Variants in MTRR observed in about 807,000 individuals in gnomAD.
The protein encoded by MTRR is methionine synthase reductase.
A neutral mutation model predicts 79.2 loss-of-function variants in MTRR; 63 were observed. That is an observed-to-expected ratio of 0.80 (90% CI 0.65 to 0.98). The LOEUF (loss-of-function observed/expected upper bound fraction) is 0.98, where lower values mean the gene tolerates loss of function less well. MTRR is among the 50% of genes least tolerant of loss of function. The probability of loss-of-function intolerance (pLI) is 0.00; values close to 1 mark genes in which losing one functional copy is unlikely to be tolerated. For synonymous variants in MTRR, 355 were observed against 313.3 expected (o/e 1.13, Z -1.41); for missense variants, 895 against 839.6 (o/e 1.07, Z -0.82).
rs566615968 is a variant in MTRR at position 7,869,220 on chromosome 5, G to C, written c.-26+5G>C. ...TGCCCGGCTGGCGCGGCGTGGGTAA[G>C]CTGCCTGTCGGCTACGGTTCCCGGA... On this transcript the variant is annotated splice_donor_5th_base_variant and intron_variant, in intron 1 of 14. Coordinates refer to ENST00000440940, the MANE Select transcript of MTRR (RefSeq NM_002454.3). 3 of 1,605,300 alleles carry C rather than the reference G, an allele frequency of 1.9e-6. No individual in the cohort carries two copies.
rs776815490 is a variant in MTRR, at chr5:7,869,232, C to T, written c.-26+17C>T. 9 of 1,603,310 alleles carry T rather than the reference C, an allele frequency of 5.6e-6. No homozygotes were observed. The highest frequency in any genetic ancestry group is 7.6e-6 in the Non-Finnish European group (9 of 1,179,616). On this transcript the variant is annotated intron_variant, in intron 1 of 14. Coordinates refer to ENST00000440940, the MANE Select transcript of MTRR (RefSeq NM_002454.3). ...GCGGCGTGGGTAAGCTGCCTGTCGG[C>T]TACGGTTCCCGGATTCCGGCCGCTC...
rs1748346590 is a variant in MTRR, at chr5:7,873,449, C to T, written c.206C>T (p.Ala69Val). The T allele has an allele frequency of 6.2e-7, 1 of 1,614,134 alleles. No individual in the cohort carries two copies. Among genetic ancestry groups the T allele is most frequent in the Non-Finnish European group, 8.5e-7 (1 of 1,180,022 alleles). ...GGCACCGGAGACCCACCCGACACAG[C>T]CCGCAAGTTTGTTAAGGAAATACAG... ...TTGTGDPPDT[A>V]RKFVKEIQNQ... The change falls in exon 3 of 15, where the codon GCC becomes GTC. Residue 69 changes from alanine (A) to valine (V), a missense_variant. Physicochemically the swap from Ala to Val is moderately conservative, Grantham distance 64. Coordinates refer to ENST00000440940, the MANE Select transcript of MTRR (RefSeq NM_002454.3).
At position 7,900,199 on chromosome 5, in the gene MTRR, A is replaced by G; in HGVS notation, c.*141A>G. 1 of 914,036 alleles carries G rather than the reference A, an allele frequency of 1.1e-6. No homozygotes were observed. The highest frequency in any genetic ancestry group is 1.6e-6 in the Non-Finnish European group (1 of 606,652). The allele number at this position is 914,036 out of a possible 1,614,324, so 56.6% of individuals were successfully genotyped here. ...AAGGACATGGAGTGGAGATTGGATC[A>G]TTTAACAATATAACAAAACTTCCTG... On this transcript the variant is annotated 3_prime_UTR_variant, in exon 15 of 15. Transcript: ENST00000440940.
intron 9 of MTRR, among the ~76,000 whole-genome samples, chr5:7,890,979 T>C (rs1458734539): frequency 6.6e-6 from 1 of 150,678 alleles, no homozygotes. Flanking sequence ...ATTTTAAATC[T>C]GAAAACTGGG....
rs1444323611 is a variant in MTRR, at chr5:7,883,269, G to A, written c.895G>A (p.Asp299Asn). The A allele has an allele frequency of 1.9e-6, 3 of 1,614,082 alleles. No individual in the cohort carries two copies. Among genetic ancestry groups the A allele is most frequent in the South Asian group, 1.1e-5 (1 of 91,088 alleles). The change falls in exon 6 of 15, where the codon GAC becomes AAC. Residue 299 changes from aspartate to asparagine, a missense_variant. By Grantham distance (23) the Asp-to-Asn change is conservative (BLOSUM62 1). Coordinates refer to ENST00000440940, the MANE Select transcript of MTRR (RefSeq NM_002454.3). ...AAAAACCACTCTGCTGGTAGAATTG[G>A]ACATTTCAGTAAGTTGCAAAATTTA... is the stretch of plus-strand genomic sequence containing the variant. ...AIKTTLLVEL[D>N]ISNTDFSYQP...
rs1323441332 is a variant in MTRR, at chr5:7,887,797, T to TATACATATATAC, written c.1146+1097_1146+1098insCATATATACATA. Among the ~76,000 whole-genome samples, 8 of 25,964 alleles carry TATACATATATAC rather than the reference T, an allele frequency of 3.1e-4. 1 individual carries two copies. Among genetic ancestry groups the TATACATATATAC allele is most frequent in the Non-Finnish European group, 6.6e-4 (8 of 12,058 alleles). The allele number at this position is 25,964 out of a possible 152,430, so 17.0% of individuals were successfully genotyped here. Reference sequence around the variant, plus strand: ...ATATTTGTGTGTGTGTGTGTGCATATATATATATATATATATATATATATA... The same window carrying TATACATATATAC: ...ATATTTGTGTGTGTGTGTGTGCATATATACATATATACATATATATATATATATATATATATA... On this transcript the variant is annotated intron_variant, in intron 8 of 14. Coordinates refer to ENST00000440940, the MANE Select transcript of MTRR (RefSeq NM_002454.3).
At chr5:7,895,043 G>A (rs981469514) in intron 11 of MTRR, among the ~76,000 whole-genome samples, 2 of 152,084 alleles carry the variant, frequency 1.3e-5, no homozygotes, top group Non-Finnish European at 2.9e-5. Flanking sequence ...AAGTTAAAAT[G>A]TATACAGTTA....
At chr5:7,886,575 T>G in intron 7 of MTRR, 40 bp from the exon 8 acceptor site, 1 of 1,431,380 alleles carries the variant, frequency 7.0e-7, no homozygotes, top group Non-Finnish European at 9.9e-7. Context: ...ATTCTTCATC[T>G]TCTATGTCAT....
At chr5:7,893,155 C>A in intron 11 of MTRR, 1 of 534,486 alleles carries the variant, frequency 1.9e-6, no homozygotes, top group East Asian at 3.4e-5. Flanking sequence ...TTTGCTTGTC[C>A]TATTCATGGA....
intron 6 of MTRR, among the ~76,000 whole-genome samples, chr5:7,885,419 A>G (rs1159535891): frequency 2.6e-5 from 4 of 152,190 alleles, no homozygotes; most frequent in Non-Finnish European, 5.9e-5. Flanking sequence ...TTTGTAGAGA[A>G]CAAGGAAGGT....
intron 1 of MTRR, chr5:7,869,455 C>T (rs1747478277): frequency 3.7e-6 from 2 of 547,410 alleles, no homozygotes; most frequent in South Asian, 2.0e-5. Flanking sequence ...CGCGGGAGGC[C>T]CCTGGGCGGC....
Position 7,883,048 on chromosome 5 carries a change from A to C in MTRR, c.781-107A>C, listed in dbSNP as rs1735825071. The C allele has an allele frequency of 2.1e-6, 3 of 1,429,920 alleles. No individual in the cohort carries two copies. The Admixed American group carries it at 5.1e-5, about 24-fold the overall frequency. 88.6% of individuals were successfully genotyped at this position (1,429,920 alleles called of 1,614,324 possible). A position where few individuals can be genotyped will look rare whatever the true frequency, so the allele number is the denominator to read the frequency against. ...TCATTTACCTTGGAAATGAATACTG[A>C]GTAGCCAGGAAGTTTTGTAAGCCCC... On this transcript the variant is annotated intron_variant, in intron 5 of 14. Coordinates refer to ENST00000440940, the MANE Select transcript of MTRR (RefSeq NM_002454.3).
chr5:7,889,374 C>T lies in MTRR; in HGVS notation c.1327+99C>T, dbSNP rs1737171737. ...GAAAATTTGCTGCTCTTGTCTTACC[C>T]TTTGTATCCTATGCCTAAAGAATAT... On this transcript the variant is annotated intron_variant, in intron 9 of 14. Coordinates refer to ENST00000440940, the MANE Select transcript of MTRR (RefSeq NM_002454.3). The T allele has an allele frequency of 4.0e-6, 5 of 1,263,198 alleles. No individual in the cohort carries two copies. The African/African-American group carries it at 4.4e-5, about 11-fold the overall frequency. 78.2% of individuals were successfully genotyped at this position (1,263,198 alleles called of 1,614,324 possible). A position where few individuals can be genotyped will look rare whatever the true frequency, so the allele number is the denominator to read the frequency against.
intron 9 of MTRR, among the ~76,000 whole-genome samples, chr5:7,890,697 A>G (rs1247598743): frequency 6.6e-6 from 1 of 152,162 alleles, no homozygotes; most frequent in Admixed American, 6.5e-5. Context: ...ACCTTTTCAT[A>G]TTTTCAATTA....
chr5:7,867,158 C>T, upstream of MTRR: 1 of 1,614,130 alleles, frequency 6.2e-7, no homozygotes, highest in Non-Finnish European at 8.5e-7. Flanking sequence ...AAATGCTTGA[C>T]TTTGATCAAG....
intron 5 of MTRR, 116 bp downstream of exon 5, chr5:7,878,438 A>G (rs565553613): frequency 4.5e-6 from 6 of 1,335,656 alleles, no homozygotes; most frequent in Admixed American, 3.5e-5. Flanking sequence ...TACTGGCCCA[A>G]TGTGGCCCAG....
chr5:7,885,878 T>C (rs528713141), intron 7 of MTRR, 24 bp downstream of exon 7: 14 of 1,613,702 alleles, frequency 8.7e-6, no homozygotes, highest in African/African-American at 2.7e-5. Flanking sequence ...TGCTGTGACG[T>C]TGGGGTGTTG....
At chr5:7,895,928 A>T in intron 12 of MTRR, 76 bp downstream of exon 12, 12 of 1,557,978 alleles carry the variant, frequency 7.7e-6, no homozygotes, top group Non-Finnish European at 9.6e-6. Context: ...TTTTGAGGAT[A>T]ATTGGACTTT....
chr5:7,873,928 A>G (rs1265635145), intron 3 of MTRR, among the ~76,000 whole-genome samples: 1 of 152,204 alleles, frequency 6.6e-6, no homozygotes, highest in East Asian at 1.9e-4. Flanking sequence ...TCTAAGAACG[A>G]TTCTCCCAGA....
Sources: gnomAD v4.1 joint callset for allele counts (sites outside exome capture counted in the v4.1 genomes callset) on GRCh38, gnomAD v4.1.1 for gene constraint, MANE v1.5 for transcripts, NCBI Gene and HGNC (gene_info 2026-07-23, HGNC 2026-07-21) for gene names.